Variants in PTPRZ1 observed in about 807,000 individuals in gnomAD.
The protein encoded by PTPRZ1 is receptor-type tyrosine-protein phosphatase zeta.
Under a neutral mutation model 214.1 loss-of-function variants are expected in PTPRZ1, and 82 were observed. That is an observed-to-expected ratio of 0.38 (90% CI 0.32 to 0.46). The LOEUF is 0.46. PTPRZ1 is among the 20% of genes least tolerant of loss of function. The probability of loss-of-function intolerance (pLI) is 1.00; values close to 1 mark genes in which losing one functional copy is unlikely to be tolerated. For synonymous variants in PTPRZ1, 945 were observed against 987.9 expected (o/e 0.96, Z 0.81); for missense variants, 2,603 against 2,748.7 (o/e 0.95, Z 1.19).
In PTPRZ1 at chr7:122,012,309, CCT is replaced by C. The variant is rs772619731; in HGVS notation, c.3266_3267del (p.Ser1089CysfsTer5). On this transcript the variant is annotated frameshift_variant, in exon 12 of 30. Coordinates refer to ENST00000393386, the MANE Select transcript of PTPRZ1 (RefSeq NM_002851.3). LOFTEE classifies it high-confidence loss of function. The stretch of plus-strand genomic sequence containing the variant: ...AAGTTGAATGCGTCTTTACAAGAAA[CCT>C]CTGTTTCCATTTCTAGCACCAAGGG... 6.2e-7 allele frequency: 1 copy of C among 1,614,066 alleles called. No homozygotes were observed. Among genetic ancestry groups the C allele is most frequent in the Non-Finnish European group, 8.5e-7 (1 of 1,179,998 alleles).
chr7:122,010,921 A>C lies in PTPRZ1; in HGVS notation c.1875A>C (p.Glu625Asp). ...TAACATATGATGTCCTTATACCAGA[A>C]TCTGCTAGAAATGCTTCCGAAGATT... is the stretch of plus-strand genomic sequence containing the variant. ...ETITYDVLIP[E>D]SARNASEDST... Residue 625 changes from glutamate (E) to aspartate (D), a missense_variant, in exon 12 of 30, where the codon GAA (glutamate) becomes GAC (aspartate). Glu to Asp is a conservative substitution (Grantham distance 45, BLOSUM62 2). Transcript: ENST00000393386. 6.2e-7 allele frequency: 1 copy of C among 1,614,124 alleles called. No individual in the cohort carries two copies. The highest frequency in any genetic ancestry group is 8.5e-7 in the Non-Finnish European group (1 of 1,180,010).
chr7:121,880,436 G>A (rs1239482178), intron 1 of PTPRZ1, among the ~76,000 whole-genome samples: 1 of 151,994 alleles, frequency 6.6e-6, no homozygotes, highest in Non-Finnish European at 1.5e-5. Flanking sequence ...CTCTCTCTCT[G>A]CCTTCCCCTT....
intron 15 of PTPRZ1, chr7:122,031,794 G>A (rs1168033809): frequency 3.9e-6 from 1 of 254,410 alleles, no homozygotes; most frequent in Non-Finnish European, 7.3e-6. Flanking sequence ...AAAAAACATT[G>A]TTCATTTTCT....
intron 1 of PTPRZ1, among the ~76,000 whole-genome samples, chr7:121,900,986 A>T (rs1200182636): frequency 6.6e-6 from 1 of 152,198 alleles, no homozygotes; most frequent in African/African-American, 2.4e-5. Flanking sequence ...TAGGGAGGTC[A>T]TATAACTTGT....
intron 2 of PTPRZ1, among the ~76,000 whole-genome samples, chr7:121,944,128 G>A (rs1298556771): frequency 6.6e-6 from 1 of 152,136 alleles, no homozygotes; most frequent in Non-Finnish European, 1.5e-5. Context: ...TCTGGATGGG[G>A]CCTCTTTACC....
intron 13 of PTPRZ1, among the ~76,000 whole-genome samples, chr7:122,025,531 A>G (rs1201093610): frequency 6.6e-6 from 1 of 151,840 alleles, no homozygotes; most frequent in Admixed American, 6.6e-5. Flanking sequence ...GGGTTTCTCC[A>G]TGTTGGTCAG....
intron 13 of PTPRZ1, among the ~76,000 whole-genome samples, chr7:122,022,837 C>T (rs769860741): frequency 6.6e-5 from 10 of 152,038 alleles, no homozygotes; most frequent in Non-Finnish European, 1.2e-4. Flanking sequence ...TTGAAAGCTA[C>T]AGGAATCAAG....
chr7:121,874,631 CAG>C (rs1419219635), intron 1 of PTPRZ1, among the ~76,000 whole-genome samples: 2 of 152,170 alleles, frequency 1.3e-5, no homozygotes, highest in Non-Finnish European at 2.9e-5. Flanking sequence ...CCTTTACAAA[CAG>C]AAACTATTTT....
intron 1 of PTPRZ1, among the ~76,000 whole-genome samples, chr7:121,877,266 A>G (rs1327326499): frequency 6.6e-6 from 1 of 152,178 alleles, no homozygotes; most frequent in Non-Finnish European, 1.5e-5. Context: ...ATCCTGATTC[A>G]GCCTGTGTAT....
At chr7:121,990,763 G>A (rs552483279) in intron 8 of PTPRZ1, among the ~76,000 whole-genome samples, 2 of 152,130 alleles carry the variant, frequency 1.3e-5, no homozygotes, top group Admixed American at 6.5e-5. Flanking sequence ...CAGGTGATCC[G>A]CCTGCCCTCA....
chr7:121,959,059 G>A (rs1341972130), intron 2 of PTPRZ1, among the ~76,000 whole-genome samples: 3 of 152,104 alleles, frequency 2.0e-5, no homozygotes, highest in South Asian at 2.1e-4. Flanking sequence ...TCCTGACCTC[G>A]TGATCCGCCC....
intron 12 of PTPRZ1, among the ~76,000 whole-genome samples, chr7:122,014,655 G>A (rs1345702642): frequency 6.6e-6 from 1 of 152,090 alleles, no homozygotes; most frequent in Non-Finnish European, 1.5e-5. Context: ...AGCCAGGATG[G>A]TCTTGATCTC....
chr7:122,037,793 C>T lies in PTPRZ1; in HGVS notation c.5368-962C>T, dbSNP rs545130620. 5.3e-5 allele frequency among the ~76,000 whole-genome samples: 8 copies of T among 152,264 alleles called. No homozygotes were observed. The South Asian group carries it at 6.2e-4, about 12-fold the overall frequency. ...TGGGACTTTGGAAAGCCACTTAACTCCTCTGAGCTTTAGGTTCCTCATCTC... is the reference window on the plus strand; with the variant it reads ...TGGGACTTTGGAAAGCCACTTAACTTCTCTGAGCTTTAGGTTCCTCATCTC... On this transcript the variant is annotated intron_variant, in intron 18 of 29. Transcript: ENST00000393386.
At chr7:121,955,670 T>G (rs2116470594) in intron 2 of PTPRZ1, among the ~76,000 whole-genome samples, 1 of 152,330 alleles carries the variant, frequency 6.6e-6, no homozygotes, top group Non-Finnish European at 1.5e-5. Context: ...AGTCTGAATC[T>G]GAGTATTAAA....
chr7:121,934,657 A>G (rs1490925672), intron 2 of PTPRZ1, among the ~76,000 whole-genome samples: 1 of 152,206 alleles, frequency 6.6e-6, no homozygotes, highest in Non-Finnish European at 1.5e-5. Context: ...ATTATTGAAC[A>G]GTGTCTTAAC....
Position 122,039,486 on chromosome 7 carries a change from G to A in PTPRZ1, c.5535G>A (p.Gly1845=). The stretch of plus-strand genomic sequence containing the variant: ...GTGATCAGTACTGGCCTGCCGATGG[G>A]AGTGAGGAGTACGGGAACTTTCTGG... ...RKCDQYWPAD[G]SEEYGNFLVT... The change falls in exon 20 of 30, where the codon GGG becomes GGA. Residue 1845 remains glycine, a synonymous_variant. Transcript: ENST00000393386. 6.2e-7 allele frequency: 1 copy of A among 1,614,052 alleles called. No homozygotes were observed. The highest frequency in any genetic ancestry group is 8.5e-7 in the Non-Finnish European group (1 of 1,179,982).
intron 2 of PTPRZ1, among the ~76,000 whole-genome samples, chr7:121,929,996 A>T (rs1056240444): frequency 3.3e-5 from 5 of 152,124 alleles, no homozygotes; most frequent in African/African-American, 7.2e-5. Context: ...ACAGATTTTT[A>T]AAAATCATGT....
intron 8 of PTPRZ1, among the ~76,000 whole-genome samples, chr7:121,992,213 C>T (rs564273403): frequency 5.0e-4 from 76 of 152,302 alleles, no homozygotes; most frequent in Non-Finnish European, 9.7e-4. Context: ...GCTAAGACTG[C>T]GCCTTTTCCC....
chr7:122,024,972 G>C (rs1359249883), intron 13 of PTPRZ1, among the ~76,000 whole-genome samples: 4 of 152,134 alleles, frequency 2.6e-5, no homozygotes, highest in Admixed American at 6.6e-5. Context: ...GAGATTTCAA[G>C]TTATCCCAAT....
Sources: allele counts gnomAD v4.1 joint callset (sites outside exome capture counted in the v4.1 genomes callset), GRCh38; gene constraint gnomAD v4.1.1; transcripts MANE v1.5; gene names NCBI Gene and HGNC (gene_info 2026-07-23, HGNC 2026-07-21).